Variants in ZNF493 observed in about 807,000 individuals in gnomAD.
ZNF493 encodes zinc finger protein 493.
In ZNF493, 11 loss-of-function variants were observed where a neutral mutation model predicts 12.2. The observed-to-expected ratio is 0.90, with a 90% CI of 0.57 to 1.50. ZNF493 has a LOEUF of 1.50. Ranked by LOEUF, ZNF493 falls within the 40% of genes most tolerant of loss-of-function variation. The pLI, the probability that ZNF493 is intolerant of heterozygous loss-of-function variation, is 0.00. For missense variants in ZNF493, 950 were observed against 906.6 expected (o/e 1.05, Z -0.61); for synonymous variants, 286 against 302.6 (o/e 0.95, Z 0.57).
intron 3 of ZNF493, among the ~76,000 whole-genome samples, chr19:21,419,864 A>G (rs1178721110): frequency 6.6e-6 from 1 of 152,146 alleles, no homozygotes; most frequent in African/African-American, 2.4e-5. Context: ...TCCTAGGGTG[A>G]GAGGGAAGAG....
chr19:21,416,541 A>G (rs2030499762), intron 3 of ZNF493, among the ~76,000 whole-genome samples: 1 of 152,172 alleles, frequency 6.6e-6, no homozygotes, highest in Admixed American at 6.5e-5. Context: ...GCTGTAGAGA[A>G]AAGATTGAAA....
intron 1 of ZNF493, among the ~76,000 whole-genome samples, chr19:21,402,087 C>T (rs1278842672): frequency 6.6e-6 from 1 of 152,098 alleles, no homozygotes; most frequent in Admixed American, 6.5e-5. Flanking sequence ...CCTGCCTCAG[C>T]CTCCCGAGTA....
intron 3 of ZNF493, among the ~76,000 whole-genome samples, chr19:21,420,627 T>A (rs865818142): frequency 5.4e-3 from 225 of 41,344 alleles, no homozygotes; most frequent in Non-Finnish European, 6.8e-3. Context: ...ATATATATTT[T>A]TTTTTTTTTT....
At chr19:21,421,610 C>A (rs1170066774) in intron 3 of ZNF493, among the ~76,000 whole-genome samples, 2 of 152,042 alleles carry the variant, frequency 1.3e-5, no homozygotes, top group Non-Finnish European at 2.9e-5. Context: ...GGTGATCCAC[C>A]CACCTCAGCC....
chr19:21,406,764 A>C (rs2030144800), intron 3 of ZNF493, among the ~76,000 whole-genome samples: 1 of 151,422 alleles, frequency 6.6e-6, no homozygotes, highest in Non-Finnish European at 1.5e-5. Flanking sequence ...TAATTTGGCT[A>C]TTCGAAGTTT....
rs565871450 is a variant in ZNF493, at chr19:21,397,533, C to T, written c.30+266C>T. 9.0e-5 allele frequency: 53 copies of T among 591,696 alleles called. No homozygotes were observed. In the East Asian group the frequency reaches 1.3e-3, roughly 14 times the overall value. The allele number at this position is 591,696 out of a possible 1,614,324, so 36.7% of individuals were successfully genotyped here. ...TCTGGCAGTTCTGCACCCGCAGCGC[C>T]GCGTCTTTCTCAGATTGTGCGGGGA... is the stretch of plus-strand genomic sequence containing the variant. On this transcript the variant is annotated intron_variant, in intron 1 of 3. Transcript: ENST00000392288.
At chr19:21,410,492 A>G (rs2359147) in intron 3 of ZNF493, among the ~76,000 whole-genome samples, 4,700 of 152,004 alleles carry the variant, frequency 0.031, 163 homozygotes, top group African/African-American at 0.074. Context: ...CTCTTTTTCT[A>G]TATGTGTATC....
intron 3 of ZNF493, chr19:21,408,245 C>A: frequency 1.4e-6 from 1 of 694,820 alleles, no homozygotes; most frequent in Non-Finnish European, 1.8e-6. Context: ...CCTACCTCAG[C>A]CTCCTGAGTA....
At chr19:21,401,169 G>C (rs530092723) in intron 1 of ZNF493, among the ~76,000 whole-genome samples, 1 of 152,212 alleles carries the variant, frequency 6.6e-6, no homozygotes, top group East Asian at 1.9e-4. Context: ...CATGAAGGAT[G>C]GTAAATTTCA....
rs1053737864 is a variant in ZNF493, at chr19:21,426,545, TGTATC to T, written c.*1562_*1566del. ...TAAAGAGGGTTGAAGTACCTTTACT[TGTATC>T]AGATCTTATTGTCCACATTTTGTAC... is the stretch of plus-strand genomic sequence containing the variant. On this transcript the variant is annotated 3_prime_UTR_variant, in exon 4 of 4. Transcript: ENST00000392288. The T allele has an allele frequency of 6.0e-6, 1 of 166,968 alleles. No homozygotes were observed. The highest frequency in any genetic ancestry group is 2.4e-5 in the African/African-American group (1 of 41,454). 10.3% of individuals were successfully genotyped at this position (166,968 alleles called of 1,614,324 possible).
Position 21,401,585 on chromosome 19 carries a change from G to A in ZNF493, c.31-3544G>A, listed in dbSNP as rs2029944930. On this transcript the variant is annotated intron_variant, in intron 1 of 3. Transcript: ENST00000392288. ...CAGCTGTAAATTTGTGTGGTTCTTT[G>A]TTTTATTTTTGGTGGGCAGGCTATT... 4.0e-5 allele frequency among the ~76,000 whole-genome samples: 6 copies of A among 151,676 alleles called. No individual in the cohort carries two copies. In the South Asian group the frequency reaches 1.0e-3, roughly 26 times the overall value.
chr19:21,409,404 G>A (rs566274526), intron 3 of ZNF493, among the ~76,000 whole-genome samples: 1 of 152,060 alleles, frequency 6.6e-6, no homozygotes, highest in South Asian at 2.1e-4. Flanking sequence ...AAAATTAATT[G>A]TTGTAAAAAC....
intron 3 of ZNF493, among the ~76,000 whole-genome samples, chr19:21,421,652 C>T (rs905424036): frequency 1.3e-5 from 2 of 152,180 alleles, no homozygotes; most frequent in African/African-American, 4.8e-5. Context: ...GTGTGAGCTA[C>T]TGCACCTGGC....
chr19:21,417,650 C>T (rs2030533829), intron 3 of ZNF493, among the ~76,000 whole-genome samples: 2 of 152,168 alleles, frequency 1.3e-5, no homozygotes, highest in African/African-American at 4.8e-5. Context: ...GTAAGCTATT[C>T]TGTGGCATCA....
intron 3 of ZNF493, among the ~76,000 whole-genome samples, chr19:21,411,245 A>G (rs982766373): frequency 1.3e-5 from 2 of 152,122 alleles, no homozygotes; most frequent in African/African-American, 2.4e-5. Context: ...AGATCATGTA[A>G]TCATATACAG....
In ZNF493 at chr19:21,426,256, A is replaced by T. The variant is rs2030853250; in HGVS notation, c.*1272A>T. Reference sequence around the variant, plus strand: ...TGATTATAGGTAATATTCATATTGGAAAAATTTCCTACAAGTAAGAACAAT... The same window carrying T: ...TGATTATAGGTAATATTCATATTGGTAAAATTTCCTACAAGTAAGAACAAT... On this transcript the variant is annotated 3_prime_UTR_variant, in exon 4 of 4. Coordinates refer to ENST00000392288, the MANE Select transcript of ZNF493 (RefSeq NM_001076678.3). The T allele has an allele frequency of 5.2e-6, 1 of 191,274 alleles. No homozygotes were observed. Among genetic ancestry groups the T allele is most frequent in the Non-Finnish European group, 1.2e-5 (1 of 81,998 alleles). The allele number at this position is 191,274 out of a possible 1,614,324, so 11.8% of individuals were successfully genotyped here.
chr19:21,397,518 C>G, intron 1 of ZNF493: 2 of 599,972 alleles, frequency 3.3e-6, no homozygotes, highest in East Asian at 5.6e-5. Context: ...TCTGGCAGTT[C>G]TGCACCCGCA....
chr19:21,411,447 C>T (rs909871419), intron 3 of ZNF493, among the ~76,000 whole-genome samples: 3 of 151,992 alleles, frequency 2.0e-5, no homozygotes, highest in Non-Finnish European at 2.9e-5. Context: ...AGGTTGGGTG[C>T]GCTGTCTCAC....
At chr19:21,408,939 C>T in intron 3 of ZNF493, 1 of 534,066 alleles carries the variant, frequency 1.9e-6, no homozygotes, top group African/African-American at 2.1e-5. Context: ...CTGGAGTGTG[C>T]AGTGGAACAA....
Sources: allele counts gnomAD v4.1 joint callset (sites outside exome capture counted in the v4.1 genomes callset), GRCh38; gene constraint gnomAD v4.1.1; transcripts MANE v1.5; gene names NCBI Gene and HGNC (gene_info 2026-07-23, HGNC 2026-07-21).